Variants in TDRD9 observed in about 807,000 individuals in gnomAD.
TDRD9 encodes the protein ATP-dependent RNA helicase TDRD9.
A neutral mutation model predicts 172.6 loss-of-function variants in TDRD9; 124 were observed. The ratio of observed to expected loss-of-function variants is 0.72; its 90% CI spans 0.62 to 0.83. TDRD9 has a LOEUF of 0.83. Among genes scored for constraint, TDRD9 ranks in the 40% least tolerant of loss-of-function variants. TDRD9 has a pLI of 0.00. For synonymous variants in TDRD9, 619 were observed against 617.1 expected, an observed-to-expected ratio of 1.00 and a Z score of -0.05; for missense variants, 1,479 against 1,714.1, an observed-to-expected ratio of 0.86 and a Z score of 2.42.
intron 5 of TDRD9, among the ~76,000 whole-genome samples, chr14:103,968,643 A>C (rs1279004653): frequency 1.3e-5 from 2 of 149,902 alleles, no homozygotes; most frequent in Non-Finnish European, 3.0e-5. Flanking sequence ...AAAAATACAA[A>C]AAATTAGCCG....
rs560035994 is a variant in TDRD9 at position 103,944,858 on chromosome 14, C to T, written c.216-10806C>T. On this transcript the variant is annotated intron_variant, in intron 1 of 35. Transcript: ENST00000409874. Reference sequence around the variant, plus strand: ...GGGATTACAGGCGTGAGCCACCGTGCCCGGCTTCTTTTCCCTTTTTCCTAA... The same window carrying T: ...GGGATTACAGGCGTGAGCCACCGTGTCCGGCTTCTTTTCCCTTTTTCCTAA... Among the ~76,000 whole-genome samples, 26 of 152,292 alleles carry T rather than the reference C, an allele frequency of 1.7e-4. 1 individual carries two copies. The South Asian group carries it at 5.2e-3, about 30-fold the overall frequency.
intron 1 of TDRD9, among the ~76,000 whole-genome samples, chr14:103,932,776 C>A (rs955809206): frequency 1.3e-5 from 2 of 152,026 alleles, no homozygotes; most frequent in Non-Finnish European, 2.9e-5. Flanking sequence ...TAGTGTACAC[C>A]AAGTCACTGC....
chr14:104,035,922 C>G (rs2035438447), intron 32 of TDRD9, among the ~76,000 whole-genome samples: 1 of 152,084 alleles, frequency 6.6e-6, no homozygotes, highest in Admixed American at 6.5e-5. Flanking sequence ...CCACCGTTTA[C>G]TCAGTCCTTT....
Position 104,022,216 on chromosome 14 carries a change from A to T in TDRD9, c.2492A>T (p.Tyr831Phe). ...AGATTTAAAACCCTTCCTGCAGTAT[A>T]TATGGCAATTAAGATGTCTCAACTA... is the stretch of plus-strand genomic sequence containing the variant. ...TERFKTLPAV[Y>F]MAIKMSQLKV... The change falls in exon 24 of 36, where the codon TAT (tyrosine) becomes TTT (phenylalanine). Residue 831 changes from tyrosine (Y) to phenylalanine (F), a missense_variant. By Grantham distance (22) the Tyr-to-Phe change is conservative. This residue lies in a region of TDRD9 where 1,413 missense variants were observed against 1,649.1 expected (regional missense o/e 0.86). Transcript: ENST00000409874. 6.3e-7 allele frequency: 1 copy of T among 1,594,568 alleles called. No homozygotes were observed. The highest frequency in any genetic ancestry group is 8.5e-7 in the Non-Finnish European group (1 of 1,170,232).
Position 104,007,143 on chromosome 14 carries a change from G to A in TDRD9, c.2008-17G>A. ...AGCCAACACATTATTTTGAAAGTTT[G>A]GATCCTTTATTTTCAGACATGGAAG... is the stretch of plus-strand genomic sequence containing the variant. On this transcript the variant is annotated splice_polypyrimidine_tract_variant and intron_variant, in intron 18 of 35. Coordinates refer to ENST00000409874, the MANE Select transcript of TDRD9 (RefSeq NM_153046.3). The A allele has an allele frequency of 2.5e-6, 4 of 1,611,786 alleles. No homozygotes were observed. The highest frequency in any genetic ancestry group is 3.4e-6 in the Non-Finnish European group (4 of 1,179,076).
intron 11 of TDRD9, among the ~76,000 whole-genome samples, chr14:103,995,043 A>G (rs2034008283): frequency 1.3e-5 from 2 of 151,998 alleles, no homozygotes; most frequent in South Asian, 4.1e-4. Flanking sequence ...CTAATGAGCC[A>G]GGTATGTTGT....
chr14:104,021,489 T>C (rs1347091838), intron 23 of TDRD9, among the ~76,000 whole-genome samples: 1 of 152,112 alleles, frequency 6.6e-6, no homozygotes, highest in Non-Finnish European at 1.5e-5. Context: ...GGTAAGGAGA[T>C]TGAGACCATC....
intron 20 of TDRD9, chr14:104,013,496 C>T (rs11851723): frequency 0.33 from 50,289 of 151,938 alleles, 8,499 homozygotes; most frequent in Middle Eastern, 0.37. Flanking sequence ...CACAGTTATG[C>T]GTTTGCATTG....
At chr14:103,964,343 T>C in intron 3 of TDRD9, among the ~76,000 whole-genome samples, 1 of 152,240 alleles carries the variant, frequency 6.6e-6, no homozygotes, top group Non-Finnish European at 1.5e-5. Flanking sequence ...CTTTTTCTCA[T>C]GTTCAGTAGA....
chr14:103,941,250 A>G, intron 1 of TDRD9: 1 of 947,468 alleles, frequency 1.1e-6, no homozygotes, highest in East Asian at 2.6e-5. Flanking sequence ...TCTAGTAAAG[A>G]AATTTTAAAT....
chr14:103,932,879 T>G (rs2030494908), intron 1 of TDRD9, among the ~76,000 whole-genome samples: 1 of 152,070 alleles, frequency 6.6e-6, no homozygotes, highest in African/African-American at 2.4e-5. Flanking sequence ...TTTAATCAGC[T>G]TAATGAGTAG....
intron 19 of TDRD9, among the ~76,000 whole-genome samples, chr14:104,007,639 G>T (rs1278827958): frequency 1.4e-5 from 2 of 144,314 alleles, no homozygotes; most frequent in Non-Finnish European, 3.0e-5. Context: ...CCATTTTATT[G>T]TTTTTTTTTT....
chr14:104,024,987 T>C (rs1407142938), intron 25 of TDRD9, among the ~76,000 whole-genome samples: 1 of 151,906 alleles, frequency 6.6e-6, no homozygotes, highest in Non-Finnish European at 1.5e-5. Flanking sequence ...GAAAAAAAAG[T>C]GTGTATATTT....
At chr14:104,010,534 C>T (rs1022525458) in intron 20 of TDRD9, among the ~76,000 whole-genome samples, 1 of 150,910 alleles carries the variant, frequency 6.6e-6, no homozygotes, top group African/African-American at 2.4e-5. Context: ...AGGATACCTG[C>T]CTGAGACTGT....
At chr14:104,030,631 CT>C (rs1473683357) in intron 28 of TDRD9, among the ~76,000 whole-genome samples, 1 of 152,226 alleles carries the variant, frequency 6.6e-6, no homozygotes, top group African/African-American at 2.4e-5. Context: ...TGTCATATTT[CT>C]TTTGTTTGAA....
chr14:103,951,916 G>A (rs2031893884), intron 1 of TDRD9, among the ~76,000 whole-genome samples: 1 of 151,116 alleles, frequency 6.6e-6, no homozygotes. Flanking sequence ...ACAGGCGCCC[G>A]CCACCATGCC....
Position 104,052,018 on chromosome 14 carries a change from A to G in TDRD9, c.4085A>G (p.Glu1362Gly). ...CTGGTCATGGAGCAGGCCGACCGTGAGAGCAGCAGAGGGAAGAACACCTTT... is the reference window on the plus strand; with the variant it reads ...CTGGTCATGGAGCAGGCCGACCGTGGGAGCAGCAGAGGGAAGAACACCTTT... ...PKLVMEQADR[E>G]SSRGKNTFLY... The change falls in exon 36 of 36, where the codon GAG becomes GGG. Residue 1362 changes from glutamate (E) to glycine (G), a missense_variant. Coordinates refer to ENST00000409874, the MANE Select transcript of TDRD9 (RefSeq NM_153046.3). 6.3e-7 allele frequency: 1 copy of G among 1,596,876 alleles called. No homozygotes were observed. Among genetic ancestry groups the G allele is most frequent in the South Asian group, 1.1e-5 (1 of 87,574 alleles).
chr14:104,047,782 T>G (rs953008321), intron 34 of TDRD9, among the ~76,000 whole-genome samples: 2 of 152,230 alleles, frequency 1.3e-5, no homozygotes, highest in Non-Finnish European at 2.9e-5. Flanking sequence ...TTATTTCATC[T>G]CAGGTCGACG....
intron 34 of TDRD9, among the ~76,000 whole-genome samples, chr14:104,049,109 T>A (rs1307229612): frequency 9.6e-5 from 5 of 51,998 alleles, no homozygotes; most frequent in Non-Finnish European, 1.5e-4. Context: ...TATGTATGTA[T>A]GTATGTATGT....
Sources: allele counts gnomAD v4.1 joint callset (sites outside exome capture counted in the v4.1 genomes callset), GRCh38; gene constraint gnomAD v4.1.1; regional missense constraint gnomAD v4.1.1; transcripts MANE v1.5; gene names NCBI Gene and HGNC (gene_info 2026-07-23, HGNC 2026-07-21).